The following EIF3H variants were observed in gnomAD, a reference collection of about 807,000 sequenced individuals.
EIF3H encodes eIF-3-gamma.
A neutral mutation model predicts 44.2 loss-of-function variants in EIF3H; 26 were observed. The observed-to-expected ratio is 0.59, with a 90% CI of 0.43 to 0.82. The LOEUF (loss-of-function observed/expected upper bound fraction) is 0.82. EIF3H is among the 40% of genes least tolerant of loss of function. The pLI is 0.00. For missense variants in EIF3H, 359 were observed against 432.8 expected (o/e 0.83, Z 1.51); for synonymous variants, 166 against 151.9 (o/e 1.09, Z -0.68).
chr8:116,721,573 A>G (rs1183460941), intron 2 of EIF3H, among the ~76,000 whole-genome samples: 1 of 152,220 alleles, frequency 6.6e-6, no homozygotes, highest in Non-Finnish European at 1.5e-5. Context: ...GAAAAGCCGC[A>G]GACACTCAAT....
intron 1 of EIF3H, chr8:116,737,088 C>A: frequency 3.7e-5 from 8 of 214,592 alleles, no homozygotes; most frequent in East Asian, 1.4e-4. Context: ...AAATATTTAC[C>A]ATCTCCCTGC....
chr8:116,672,987 C>T (rs1813782322), intron 2 of EIF3H, among the ~76,000 whole-genome samples: 1 of 142,112 alleles, frequency 7.0e-6, no homozygotes, highest in Non-Finnish European at 1.5e-5. Context: ...AATTATATAA[C>T]TTAAAGTTTT....
At chr8:116,696,999 T>C (rs1265583848) in intron 2 of EIF3H, 4 of 432,836 alleles carry the variant, frequency 9.2e-6, no homozygotes, top group Admixed American at 5.0e-5. Context: ...TACATGTTAA[T>C]ACAATTAGGG....
chr8:116,653,348 A>AACACACACACACACACACACAC (rs771922316), intron 5 of EIF3H, among the ~76,000 whole-genome samples: 3,051 of 144,608 alleles, frequency 0.021, 87 homozygotes, highest in African/African-American at 0.056. Context: ...AACAATCAGA[A>AACACACACACACACACACACAC]ACACACACAC....
At chr8:116,732,175 C>T (rs892897947) in intron 1 of EIF3H, among the ~76,000 whole-genome samples, 31 of 151,940 alleles carry the variant, frequency 2.0e-4, no homozygotes, top group African/African-American at 7.0e-4. Flanking sequence ...GCAGACTATA[C>T]GCCATCTCTA....
chr8:116,725,939 T>C, intron 2 of EIF3H, 77 bp downstream of exon 2: 3 of 1,464,624 alleles, frequency 2.0e-6, no homozygotes, highest in Non-Finnish European at 2.7e-6. Flanking sequence ...TCACACATTA[T>C]CAAAAGTTAT....
intron 2 of EIF3H, among the ~76,000 whole-genome samples, chr8:116,695,316 G>A (rs1405401377): frequency 6.6e-6 from 1 of 152,148 alleles, no homozygotes; most frequent in Admixed American, 6.5e-5. Context: ...GGCCTCAAAG[G>A]ATCCGCCCAC....
intron 1 of EIF3H, among the ~76,000 whole-genome samples, chr8:116,749,179 G>A (rs913676391): frequency 4.6e-5 from 7 of 152,144 alleles, no homozygotes; most frequent in African/African-American, 1.7e-4. Flanking sequence ...TTATGGAGGA[G>A]ACAAATGTTT....
At chr8:116,679,077 A>G (rs1405261110) in intron 2 of EIF3H, among the ~76,000 whole-genome samples, 1 of 51,706 alleles carries the variant, frequency 1.9e-5, no homozygotes, top group Admixed American at 1.5e-4. Context: ...GGAAGTGAGG[A>G]GTCCCTCTGC....
chr8:116,755,476 C>G (rs1016264487), intron 1 of EIF3H, among the ~76,000 whole-genome samples, 190 bp downstream of exon 1: 1 of 152,104 alleles, frequency 6.6e-6, no homozygotes, highest in Admixed American at 6.6e-5. Context: ...CCAACTGTCC[C>G]GTTAGAAGAC....
chr8:116,673,229 C>G (rs1399476559), intron 2 of EIF3H, among the ~76,000 whole-genome samples: 1 of 152,020 alleles, frequency 6.6e-6, no homozygotes, highest in Non-Finnish European at 1.5e-5. Flanking sequence ...TTGGTCACTG[C>G]CGGAGGATCC....
At position 116,727,202 on chromosome 8, in the gene EIF3H, G is replaced by A. The variant is rs1486269925; in HGVS notation, c.133-1030C>T. ...AGCCCACAGGTCAGCTCAGCCACAC[G>A]GATGGTGAAGAAACAGCCTAAGAGA... On this transcript the variant is annotated intron_variant, in intron 1 of 7. Coordinates refer to ENST00000521861, the MANE Select transcript of EIF3H (RefSeq NM_003756.3). Among the ~76,000 whole-genome samples, 6 of 152,192 alleles carry A rather than the reference G, an allele frequency of 3.9e-5. No individual in the cohort carries two copies. In the East Asian group the frequency reaches 5.8e-4, roughly 15 times the overall value.
At chr8:116,738,703 T>C (rs887109503) in intron 1 of EIF3H, among the ~76,000 whole-genome samples, 1 of 152,202 alleles carries the variant, frequency 6.6e-6, no homozygotes, top group Admixed American at 6.5e-5. Flanking sequence ...CTAAAATAAT[T>C]AGGGACGGAA....
chr8:116,760,539 A>G (rs1470563000), upstream of EIF3H, among the ~76,000 whole-genome samples: 1 of 152,252 alleles, frequency 6.6e-6, no homozygotes, highest in African/African-American at 2.4e-5. Context: ...TTTTAAAATG[A>G]CATTGGACTT....
intron 1 of EIF3H, among the ~76,000 whole-genome samples, chr8:116,753,603 A>C (rs1178469163): frequency 6.6e-6 from 1 of 152,240 alleles, no homozygotes; most frequent in Non-Finnish European, 1.5e-5. Flanking sequence ...GATAAAAAAT[A>C]ATAATTTCTG....
At chr8:116,694,032 A>G (rs1265673523) in intron 2 of EIF3H, among the ~76,000 whole-genome samples, 1 of 152,172 alleles carries the variant, frequency 6.6e-6, no homozygotes, top group Non-Finnish European at 1.5e-5. Context: ...ATCTTCTGAT[A>G]TTAAACATTC....
intron 7 of EIF3H, 109 bp from the exon 8 acceptor site, chr8:116,645,212 G>A (rs1311139471): frequency 2.6e-6 from 2 of 781,594 alleles, no homozygotes; most frequent in African/African-American, 1.7e-5. Flanking sequence ...CCTGTTTATT[G>A]TTTTGAATCC....
rs1394151944 is a variant in EIF3H at position 116,726,875 on chromosome 8, A to T, written c.133-703T>A. ...CAAGAAATTAAAGTCTGCAATAATC[A>T]TAATCATTAATAATTCCTACAACAT... On this transcript the variant is annotated intron_variant, in intron 1 of 7. Coordinates refer to ENST00000521861, the MANE Select transcript of EIF3H (RefSeq NM_003756.3). Among the ~76,000 whole-genome samples the T allele has an allele frequency of 2.6e-5, 4 of 151,306 alleles. No individual in the cohort carries two copies. In the East Asian group the frequency reaches 7.7e-4, roughly 29 times the overall value.
At chr8:116,656,969 C>G (rs906985002) in intron 4 of EIF3H, among the ~76,000 whole-genome samples, 1 of 152,110 alleles carries the variant, frequency 6.6e-6, no homozygotes, top group Non-Finnish European at 1.5e-5. Context: ...TCTTCGAATC[C>G]AGTAGCTAAT....
Sources: gnomAD v4.1 joint callset for allele counts (sites outside exome capture counted in the v4.1 genomes callset) on GRCh38, gnomAD v4.1.1 for gene constraint, MANE v1.5 for transcripts, NCBI Gene and HGNC (gene_info 2026-07-23, HGNC 2026-07-21) for gene names.